RBM47: variants seen among roughly 807,000 people sequenced by gnomAD.
The protein encoded by RBM47 is RNA-binding protein 47.
In RBM47, 21 loss-of-function variants were observed where a neutral mutation model predicts 47.1. That is an observed-to-expected ratio of 0.45 (90% CI 0.32 to 0.64). RBM47 has a LOEUF of 0.64. Ranked by LOEUF, RBM47 falls within the 30% of genes least tolerant of loss-of-function variation. The probability of loss-of-function intolerance (pLI) is 0.05; values close to 1 mark genes in which losing one functional copy is unlikely to be tolerated. For synonymous variants in RBM47, 375 were observed against 361.7 expected, an observed-to-expected ratio of 1.04 and a Z score of -0.42; for missense variants, 708 against 870.9, an observed-to-expected ratio of 0.81 and a Z score of 2.35.
chr4:40,499,448 C>T (rs556898459), intron 2 of RBM47, among the ~76,000 whole-genome samples: 3 of 152,274 alleles, frequency 2.0e-5, no homozygotes, highest in African/African-American at 4.8e-5. Flanking sequence ...CTTGCTCTGT[C>T]GCCCAGGCTG....
chr4:40,519,966 C>T (rs913208918), intron 2 of RBM47, among the ~76,000 whole-genome samples: 4 of 151,766 alleles, frequency 2.6e-5, no homozygotes, highest in Non-Finnish European at 5.9e-5. Context: ...CCGTGCCCAG[C>T]CCACCCTACC....
intron 1 of RBM47, among the ~76,000 whole-genome samples, chr4:40,564,596 T>A (rs948542398): frequency 6.6e-6 from 1 of 152,196 alleles, no homozygotes; most frequent in African/African-American, 2.4e-5. Context: ...AGGCAACACA[T>A]CTGTTGGTTT....
At chr4:40,495,970 T>C (rs1332181237) in intron 2 of RBM47, among the ~76,000 whole-genome samples, 1 of 152,218 alleles carries the variant, frequency 6.6e-6, no homozygotes, top group Non-Finnish European at 1.5e-5. Context: ...TGTCGATCTC[T>C]TGTCTGTGCC....
chr4:40,423,356 T>A lies in RBM47; in HGVS notation c.*2548A>T, dbSNP rs1032315737. 1.3e-5 allele frequency: 2 copies of A among 152,134 alleles called. No homozygotes were observed. The highest frequency in any genetic ancestry group is 2.9e-5 in the Non-Finnish European group (2 of 68,034). The allele number at this position is 152,134 out of a possible 1,614,324, so 9.4% of individuals were successfully genotyped here. A position where few individuals can be genotyped will look rare whatever the true frequency, so the allele number is the denominator to read the frequency against. Reference sequence around the variant, plus strand: ...AATGGAGCAAGATCTAAATAAAAGCTTTTCAAATATAAAGCAGCTAAAGTT... The same window carrying A: ...AATGGAGCAAGATCTAAATAAAAGCATTTCAAATATAAAGCAGCTAAAGTT... On this transcript the variant is annotated 3_prime_UTR_variant, in exon 7 of 7. Transcript: ENST00000295971.
At chr4:40,569,004 TAGATAGATAGATAGACAGAC>T (rs1457064352) in intron 1 of RBM47, among the ~76,000 whole-genome samples, 4 of 147,168 alleles carry the variant, frequency 2.7e-5, no homozygotes, top group African/African-American at 7.6e-5. Flanking sequence ...GATAGATAGA[TAGATAGATAGATAGACAGAC>T]AGACAGACAG....
intron 1 of RBM47, among the ~76,000 whole-genome samples, chr4:40,576,256 TGG>T (rs72400279): frequency 0.29 from 33,706 of 117,452 alleles, 4,577 homozygotes; most frequent in Non-Finnish European, 0.31. Flanking sequence ...TTTTTTTTTT[TGG>T]GGGGGGGCGG....
chr4:40,436,398 G>A lies in RBM47; in HGVS notation c.1330+43C>T, dbSNP rs758595659. The A allele has an allele frequency of 7.6e-6, 12 of 1,573,468 alleles. No individual in the cohort carries two copies. In the East Asian group the frequency reaches 2.0e-4, roughly 26 times the overall value. On this transcript the variant is annotated intron_variant, in intron 5 of 6. Coordinates refer to ENST00000295971, the MANE Select transcript of RBM47 (RefSeq NM_001098634.2). Reference sequence around the variant, plus strand: ...ATTCACTTCAAACAGAAGGGCTGGGGTTTATGCTGAATGGGAGCATTCTCA... The same window carrying A: ...ATTCACTTCAAACAGAAGGGCTGGGATTTATGCTGAATGGGAGCATTCTCA...
intron 6 of RBM47, among the ~76,000 whole-genome samples, chr4:40,430,561 C>G (rs1221713903): frequency 6.6e-6 from 1 of 152,196 alleles, no homozygotes; most frequent in Admixed American, 6.5e-5. Flanking sequence ...TTAAAGAATA[C>G]TTAATGACAT....
intron 2 of RBM47, among the ~76,000 whole-genome samples, chr4:40,531,473 C>G (rs534099631): frequency 3.3e-5 from 5 of 151,780 alleles, no homozygotes; most frequent in African/African-American, 1.2e-4. Flanking sequence ...AGGGGATAGG[C>G]GGAAGGGTGG....
At position 40,426,643 on chromosome 4, in the gene RBM47, G is replaced by A. The variant is rs75868719; in HGVS notation, c.1543-500C>T. On this transcript the variant is annotated intron_variant, in intron 6 of 6. Transcript: ENST00000295971. ...TCCTGTCTCAGCCTCCCAAAGTCTTGGGACCCATACACTTTAAAAATAATC... is the reference window on the plus strand; with the variant it reads ...TCCTGTCTCAGCCTCCCAAAGTCTTAGGACCCATACACTTTAAAAATAATC... 287 of 155,192 alleles carry A rather than the reference G, an allele frequency of 1.8e-3. 6 individuals carry two copies. In the East Asian group the frequency reaches 0.046, roughly 25 times the overall value. The allele number at this position is 155,192 out of a possible 1,614,324, so 9.6% of individuals were successfully genotyped here.
At chr4:40,465,611 G>A (rs1237670115) in intron 3 of RBM47, among the ~76,000 whole-genome samples, 2 of 152,054 alleles carry the variant, frequency 1.3e-5, no homozygotes, top group East Asian at 1.9e-4. Context: ...CCCGGGAGGC[G>A]GCGGCTGCAG....
At chr4:40,582,746 C>T (rs1025867567) in intron 1 of RBM47, among the ~76,000 whole-genome samples, 10 of 152,278 alleles carry the variant, frequency 6.6e-5, no homozygotes, top group African/African-American at 2.4e-4. Context: ...AGCCCTCTAC[C>T]TGTTTCTTCT....
At chr4:40,605,890 T>C (rs1368998975) in intron 1 of RBM47, among the ~76,000 whole-genome samples, 2 of 151,774 alleles carry the variant, frequency 1.3e-5, no homozygotes, top group Admixed American at 6.6e-5. Context: ...GTGTTCCACT[T>C]TAAGTAAATG....
chr4:40,615,109 G>C (rs1343102515), intron 1 of RBM47, among the ~76,000 whole-genome samples: 4 of 151,848 alleles, frequency 2.6e-5, no homozygotes, highest in African/African-American at 9.7e-5. Flanking sequence ...CTGAGCAACA[G>C]AGCAAAACCC....
Position 40,505,691 on chromosome 4 carries a change from G to C in RBM47, c.-155+38731C>G, listed in dbSNP as rs183072919. On this transcript the variant is annotated intron_variant, in intron 2 of 6. Transcript: ENST00000295971. ...TCACGAGGTCAGGAGTTCGAGACTA[G>C]CCTAGCCAACATAGTGAAACTCCAT... is the stretch of plus-strand genomic sequence containing the variant. Among the ~76,000 whole-genome samples the C allele has an allele frequency of 9.6e-3, 1,454 of 151,306 alleles. 20 individuals carry two copies. The highest frequency in any genetic ancestry group is 0.034 in the African/African-American group (1,393 of 41,108).
intron 3 of RBM47, among the ~76,000 whole-genome samples, chr4:40,445,273 CAAAAAA>C (rs35418476): frequency 8.8e-4 from 94 of 106,600 alleles, no homozygotes; most frequent in African/African-American, 3.2e-3. Flanking sequence ...GACTCCGTCT[CAAAAAA>C]AAAAAAAAAA....
At chr4:40,630,212 C>T (rs1462370386), upstream of RBM47, 1 of 152,384 alleles carries the variant, frequency 6.6e-6, no homozygotes, top group Non-Finnish European at 1.5e-5. Flanking sequence ...TTTCAGACAC[C>T]CAGAAGTGGC....
chr4:40,487,657 G>A (rs1721286932), intron 2 of RBM47, among the ~76,000 whole-genome samples: 3 of 151,968 alleles, frequency 2.0e-5, no homozygotes, highest in Admixed American at 2.0e-4. Context: ...CACCTTTCAC[G>A]TCCTGGCATA....
chr4:40,487,106 A>G (rs1577765032), intron 2 of RBM47, among the ~76,000 whole-genome samples: 1 of 152,190 alleles, frequency 6.6e-6, no homozygotes, highest in Non-Finnish European at 1.5e-5. Flanking sequence ...AGACACAATG[A>G]GCAACCTTAG....
Sources: gnomAD v4.1 joint callset for allele counts (sites outside exome capture counted in the v4.1 genomes callset) on GRCh38, gnomAD v4.1.1 for gene constraint, MANE v1.5 for transcripts, NCBI Gene and HGNC (gene_info 2026-07-23, HGNC 2026-07-21) for gene names.